ACE: variants seen among roughly 807,000 people sequenced by gnomAD.
ACE encodes the protein angiotensin I converting enzyme.
ACE carries 122 observed loss-of-function variants against 162.3 expected under a neutral mutation model. The observed-to-expected ratio is 0.75, with a 90% CI of 0.65 to 0.87. The LOEUF (loss-of-function observed/expected upper bound fraction) is 0.87, where lower values mean the gene tolerates loss of function less well. Ranked by LOEUF, ACE falls within the 40% of genes least tolerant of loss-of-function variation. ACE has a pLI of 0.00. For synonymous variants in ACE, 796 were observed against 720.6 expected, an observed-to-expected ratio of 1.10 and a Z score of -1.68; for missense variants, 1,799 against 1,735.1, an observed-to-expected ratio of 1.04 and a Z score of -0.65.
At chr17:63,478,684 G>A (rs2049658685) in intron 2 of ACE, 2 of 426,962 alleles carry the variant, frequency 4.7e-6, no homozygotes, top group Non-Finnish European at 8.8e-6. Flanking sequence ...AGAGAGAAAA[G>A]GTTGAGAAAG....
Position 63,491,063 on chromosome 17 carries a change from C to T in ACE, c.2739+12C>T, listed in dbSNP as rs766884979. 4 of 1,613,994 alleles carry T rather than the reference C, an allele frequency of 2.5e-6. No homozygotes were observed. The highest frequency in any genetic ancestry group is 3.4e-6 in the Non-Finnish European group (4 of 1,179,908). On this transcript the variant is annotated intron_variant, in intron 18 of 24. Coordinates refer to ENST00000290866, the MANE Select transcript of ACE (RefSeq NM_000789.4). The surrounding 1 kb of genome is among the most constrained non-coding windows in gnomAD (Gnocchi z 4.4). ...CTATGCTAAAGCAGGTCCGCACCAG[C>T]CCAGGGGCAGGGAGGCCCCGCCGGG... is the stretch of plus-strand genomic sequence containing the variant.
Position 63,480,515 on chromosome 17 carries a change from T to C in ACE, c.834T>C (p.Pro278=), listed in dbSNP as rs374705329. ...DRYINLRGPI[P]AHLLGDMWAQ... ...ACATCAACCTCAGGGGACCCATCCCTGCTCATCTGCTGGGTAAGGACCTGG... is the reference window on the plus strand; with the variant it reads ...ACATCAACCTCAGGGGACCCATCCCCGCTCATCTGCTGGGTAAGGACCTGG... The change falls in exon 5 of 25, where the codon CCT becomes CCC. Residue 278 remains proline, a synonymous_variant. Transcript: ENST00000290866. 22 of 1,613,720 alleles carry C rather than the reference T, an allele frequency of 1.4e-5. No individual in the cohort carries two copies. Among genetic ancestry groups the C allele is most frequent in the Non-Finnish European group, 1.8e-5 (21 of 1,180,028 alleles).
chr17:63,484,660 G>T lies in ACE; in HGVS notation c.1921+119G>T. On this transcript the variant is annotated intron_variant, in intron 12 of 24. Coordinates refer to ENST00000290866, the MANE Select transcript of ACE (RefSeq NM_000789.4). The surrounding 1 kb of genome is among the most constrained non-coding windows in gnomAD (Gnocchi z 4.0). ...TGAGCCCTGGTACCCTGTCCTGGAG[G>T]GCCAGGCAGCCCCCCAAGCTCATCA... 6.9e-7 allele frequency: 1 copy of T among 1,449,700 alleles called. No individual in the cohort carries two copies. Among genetic ancestry groups the T allele is most frequent in the South Asian group, 1.4e-5 (1 of 70,960 alleles). The allele number at this position is 1,449,700 out of a possible 1,614,324, so 89.8% of individuals were successfully genotyped here. A position where few individuals can be genotyped will look rare whatever the true frequency, so the allele number is the denominator to read the frequency against.
At chr17:63,493,846 C>T (rs948816699) in intron 20 of ACE, 76 bp from the exon 21 acceptor site, 6 of 1,605,698 alleles carry the variant, frequency 3.7e-6, no homozygotes, top group Non-Finnish European at 5.1e-6. Context: ...CACCCCCACC[C>T]CTCCACCATC....
chr17:63,493,749 G>A (rs977766748), intron 20 of ACE, 90 bp downstream of exon 20: 1 of 1,527,954 alleles, frequency 6.5e-7, no homozygotes, highest in Non-Finnish European at 9.0e-7. Flanking sequence ...AGTGGCCCAT[G>A]GGCAGAGGTG....
At chr17:63,486,520 T>C (rs781048504) in intron 13 of ACE, 37 bp from the exon 14 acceptor site, 4 of 1,612,378 alleles carry the variant, frequency 2.5e-6, no homozygotes, top group South Asian at 2.2e-5. Context: ...GCTCTGGAGC[T>C]CCTGGGCCCT....
chr17:63,485,727 A>G (rs2029890108), intron 13 of ACE: 2 of 345,546 alleles, frequency 5.8e-6, no homozygotes, highest in South Asian at 4.5e-5. Context: ...GTGAGCCGAG[A>G]TGGCACCACT....
Position 63,491,354 on chromosome 17 carries a change from G to C in ACE, c.2885G>C (p.Trp962Ser). The C allele has an allele frequency of 2.5e-6, 4 of 1,614,120 alleles. No individual in the cohort carries two copies. The highest frequency in any genetic ancestry group is 3.4e-6 in the Non-Finnish European group (4 of 1,180,034). ...GAGGTGGTCTGCCACGCCTCGGCCT[G>C]GGACTTCTACAACGGCAAGGACTTC... is the stretch of plus-strand genomic sequence containing the variant. ...GREVVCHASA[W>S]DFYNGKDFRI... The change falls in exon 19 of 25, where the codon TGG becomes TCG. Residue 962 changes from tryptophan (W) to serine (S), a missense_variant. Physicochemically the swap from Trp to Ser is radical, Grantham distance 177. Coordinates refer to ENST00000290866, the MANE Select transcript of ACE (RefSeq NM_000789.4). This position sits in a 1 kb window ranked among gnomAD's most constrained non-coding sequence, Gnocchi z 4.4.
chr17:63,485,614 A>G lies in ACE; in HGVS notation c.2058+242A>G, dbSNP rs2029884968. On this transcript the variant is annotated intron_variant, in intron 13 of 24. Transcript: ENST00000290866. The stretch of plus-strand genomic sequence containing the variant: ...AACACGGTGAAACCCCATCTCTAGT[A>G]AAAATACAAAAATTAGCCGGGTGTG... The G allele has an allele frequency of 6.3e-6, 3 of 478,410 alleles. No individual in the cohort carries two copies. In the East Asian group the frequency reaches 1.4e-4, roughly 23 times the overall value. The allele number at this position is 478,410 out of a possible 1,614,324, so 29.6% of individuals were successfully genotyped here. A position where few individuals can be genotyped will look rare whatever the true frequency, so the allele number is the denominator to read the frequency against.
chr17:63,483,567 G>GCGGGGGCGGCCCCCCCCCCCCC lies in ACE; in HGVS notation c.1586+10_1586+11insGGGGGCGGCCCCCCCCCCCCCC. 6.3e-7 allele frequency: 1 copy of GCGGGGGCGGCCCCCCCCCCCCC among 1,589,580 alleles called. No individual in the cohort carries two copies. Among genetic ancestry groups the GCGGGGGCGGCCCCCCCCCCCCC allele is most frequent in the Non-Finnish European group, 8.6e-7 (1 of 1,165,686 alleles). On this transcript the variant is annotated intron_variant, in intron 10 of 24. Coordinates refer to ENST00000290866, the MANE Select transcript of ACE (RefSeq NM_000789.4). ...GTGACACCATACATCAGGTATTAGC[G>GCGGGGGCGGCCCCCCCCCCCCC]CCCCCACCCCACCCACCCCCAGTAC...
chr17:63,488,379 AAAG>A (rs1475319203), intron 15 of ACE, among the ~76,000 whole-genome samples: 2 of 147,968 alleles, frequency 1.4e-5, no homozygotes, highest in Middle Eastern at 3.2e-3. Context: ...AAAAAAAAAA[AAAG>A]GAGAGGAGAG....
intron 20 of ACE, 106 bp from the exon 21 acceptor site, chr17:63,493,816 A>G (rs1239387065): frequency 6.4e-7 from 1 of 1,555,260 alleles, no homozygotes; most frequent in Admixed American, 1.7e-5. Context: ...GAGGCAGGTC[A>G]CAGGGCCCAA....
At chr17:63,488,260 G>A (rs2030100303) in intron 15 of ACE, among the ~76,000 whole-genome samples, 1 of 151,460 alleles carries the variant, frequency 6.6e-6, no homozygotes, top group Non-Finnish European at 1.5e-5. Flanking sequence ...TAGGGAGGCT[G>A]AGATGGAAGG....
intron 20 of ACE, 116 bp downstream of exon 20, chr17:63,493,775 G>A (rs779544343): frequency 1.5e-5 from 22 of 1,514,664 alleles, no homozygotes; most frequent in South Asian, 4.7e-5. Context: ...CAGAGCAATC[G>A]GAAGGAAGGG....
intron 15 of ACE, among the ~76,000 whole-genome samples, chr17:63,487,663 C>T (rs1368720124): frequency 2.6e-5 from 4 of 152,142 alleles, no homozygotes; most frequent in African/African-American, 4.8e-5. Context: ...CTTCTTACCC[C>T]GGCCCGTTTG....
chr17:63,485,218 C>T lies in ACE; in HGVS notation c.1922-18C>T, dbSNP rs768889101. 2.5e-6 allele frequency: 4 copies of T among 1,613,976 alleles called. No individual in the cohort carries two copies. The highest frequency in any genetic ancestry group is 3.4e-6 in the Non-Finnish European group (4 of 1,179,998). On this transcript the variant is annotated intron_variant, in intron 12 of 24. Coordinates refer to ENST00000290866, the MANE Select transcript of ACE (RefSeq NM_000789.4). ...GGGAGGCAGAGGTTTGTCTGTTTCC[C>T]TGCACTCTGTCCCACAGACCTGGTG...
intron 2 of ACE, 199 bp from the exon 3 acceptor site, chr17:63,478,808 C>T: frequency 1.6e-6 from 1 of 636,028 alleles, no homozygotes; most frequent in Non-Finnish European, 2.9e-6. Flanking sequence ...CCCCACTCCA[C>T]AGGCTGCCTC....
Position 63,477,178 on chromosome 17 carries a change from G to A in ACE, c.84G>A (p.Leu28=). 1 of 1,467,206 alleles carries A rather than the reference G, an allele frequency of 6.8e-7. No individual in the cohort carries two copies. The highest frequency in any genetic ancestry group is 9.0e-7 in the Non-Finnish European group (1 of 1,112,570). 90.9% of individuals were successfully genotyped at this position (1,467,206 alleles called of 1,614,324 possible). Residue 28 remains leucine, a synonymous_variant, in exon 1 of 25, where the codon CTG becomes CTA. Transcript: ENST00000290866. ...LLLLLPPQPA[L]ALDPGLQPGN... ...TGCTGCTGCCGCCGCAGCCCGCCCT[G>A]GCGTTGGACCCCGGGCTGCAGCCCG...
At chr17:63,496,189 A>G (rs1438422138) in intron 22 of ACE, 6 of 680,964 alleles carry the variant, frequency 8.8e-6, no homozygotes, top group Non-Finnish European at 1.2e-5. Flanking sequence ...CTACACAGGC[A>G]CGGCTAGGAA....
Sources: gnomAD v4.1 joint callset for allele counts (sites outside exome capture counted in the v4.1 genomes callset) on GRCh38, gnomAD v4.1.1 for gene constraint, Gnocchi (gnomAD v3.1) non-coding constraint, MANE v1.5 for transcripts, NCBI Gene and HGNC (gene_info 2026-07-23, HGNC 2026-07-21) for gene names.